Variants in PPP1R7 observed in about 807,000 individuals in gnomAD.
The protein encoded by PPP1R7 is protein phosphatase 1 regulatory subunit 7, also known as protein phosphatase 1 regulatory subunit 22.
A neutral mutation model predicts 45.2 loss-of-function variants in PPP1R7; 18 were observed. The observed-to-expected ratio is 0.40, with a 90% CI of 0.28 to 0.59. The LOEUF (loss-of-function observed/expected upper bound fraction) is 0.59, where lower values mean the gene tolerates loss of function less well. Ranked by LOEUF, PPP1R7 falls within the 20% of genes least tolerant of loss-of-function variation. The pLI, the probability that PPP1R7 is intolerant of heterozygous loss-of-function variation, is 0.46. For synonymous variants in PPP1R7, 181 were observed against 183.4 expected (o/e 0.99, Z 0.11); for missense variants, 314 against 455.8 (o/e 0.69, Z 2.83).
At chr2:241,156,175 CA>C (rs1437237841) in intron 2 of PPP1R7, among the ~76,000 whole-genome samples, 2 of 152,162 alleles carry the variant, frequency 1.3e-5, no homozygotes, top group African/African-American at 4.8e-5. Context: ...CACTCCCCTG[CA>C]GAAGCAAGTG....
intron 1 of PPP1R7, among the ~76,000 whole-genome samples, chr2:241,151,211 G>C (rs2067291569): frequency 6.6e-6 from 1 of 152,216 alleles, no homozygotes; most frequent in Admixed American, 6.5e-5. Context: ...TGCACGTACA[G>C]TATGTGTGTA....
Position 241,170,893 on chromosome 2 carries a change from A to G in PPP1R7, c.906+1026A>G, listed in dbSNP as rs544209180. Among the ~76,000 whole-genome samples, 127 of 152,296 alleles carry G rather than the reference A, an allele frequency of 8.3e-4. 1 individual carries two copies. The highest frequency in any genetic ancestry group is 2.8e-3 in the African/African-American group (116 of 41,570). ...ATGTACCAGGCCAGGGGGAGCCTCA[A>G]TGAGTCCAGGTGGGTCTATGTGCAG... On this transcript the variant is annotated intron_variant, in intron 9 of 9. Coordinates refer to ENST00000234038, the MANE Select transcript of PPP1R7 (RefSeq NM_002712.3).
rs565552346 is a variant in PPP1R7 at position 241,155,567 on chromosome 2, A to G, written c.181+1963A>G. ...AAATTATTTTTAAAATATGATGAAT[A>G]TATAATACACTCAGAAGGGCATTCT... On this transcript the variant is annotated intron_variant, in intron 2 of 9. Coordinates refer to ENST00000234038, the MANE Select transcript of PPP1R7 (RefSeq NM_002712.3). Among the ~76,000 whole-genome samples the G allele has an allele frequency of 7.9e-5, 12 of 152,360 alleles. No homozygotes were observed. The East Asian group carries it at 2.1e-3, about 27-fold the overall frequency.
intron 9 of PPP1R7, among the ~76,000 whole-genome samples, chr2:241,172,567 C>T (rs557706454): frequency 1.3e-5 from 2 of 151,902 alleles, no homozygotes; most frequent in East Asian, 3.9e-4. Context: ...TCACTTGAAC[C>T]TGGCAAGTGG....
At chr2:241,151,839 C>G (rs535645981) in intron 1 of PPP1R7, among the ~76,000 whole-genome samples, 2 of 152,200 alleles carry the variant, frequency 1.3e-5, no homozygotes, top group Non-Finnish European at 2.9e-5. Context: ...AGTACCTTAA[C>G]TCAGACCTTC....
rs142970884 is a variant in PPP1R7 at position 241,163,371 on chromosome 2, G to C, written c.684G>C (p.Ala228=). The part of the protein sequence containing the change: ...NKITKLQNLD[A]LTNLTVLSMQ... ...TTACTAAACTTCAGAACCTGGATGC[G>C]CTCACCAACCTGACAGTCCTCAGTA... The change falls in exon 7 of 10, where the codon GCG becomes GCC. Residue 228 remains alanine (A), a synonymous_variant. Transcript: ENST00000234038. 1.1e-4 allele frequency: 172 copies of C among 1,613,274 alleles called. 1 individual carries two copies. In the Admixed American group the frequency reaches 2.8e-3, roughly 26 times the overall value.
chr2:241,158,751 G>C (rs1030766114), intron 4 of PPP1R7: 8 of 567,710 alleles, frequency 1.4e-5, no homozygotes, highest in African/African-American at 1.3e-4. Flanking sequence ...ACAGCCCTGG[G>C]GCTGGCTCTC....
chr2:241,172,791 G>GT (rs1292403757), intron 9 of PPP1R7, among the ~76,000 whole-genome samples: 1 of 152,070 alleles, frequency 6.6e-6, no homozygotes, highest in Non-Finnish European at 1.5e-5. Context: ...GCATTCTGCA[G>GT]TAAACCAATC....
At chr2:241,177,692 A>G (rs2067931632) in intron 9 of PPP1R7, among the ~76,000 whole-genome samples, 2 of 152,228 alleles carry the variant, frequency 1.3e-5, no homozygotes, top group Non-Finnish European at 2.9e-5. Context: ...ACTTGTTTCA[A>G]GCTGACATCC....
chr2:241,150,096 T>G, upstream of PPP1R7: 1 of 1,261,566 alleles, frequency 7.9e-7, no homozygotes, highest in South Asian at 2.2e-5. Context: ...CACGGAAAGA[T>G]CCGCCTGGCC....
chr2:241,151,346 G>C, intron 1 of PPP1R7: 1 of 429,310 alleles, frequency 2.3e-6, no homozygotes, highest in South Asian at 1.7e-5. Context: ...TGCCTTATGT[G>C]AAAGGGGTAG....
intron 6 of PPP1R7, among the ~76,000 whole-genome samples, chr2:241,162,657 T>C (rs2067620110): frequency 6.7e-6 from 1 of 150,366 alleles, no homozygotes; most frequent in African/African-American, 2.4e-5. Context: ...ACCTCTCTTC[T>C]GTAGAGACTG....
At chr2:241,153,689 C>T in intron 2 of PPP1R7, 85 bp downstream of exon 2, 2 of 1,523,872 alleles carry the variant, frequency 1.3e-6, no homozygotes, top group Non-Finnish European at 1.8e-6. Context: ...GGTGTGGGTG[C>T]TGTGTCGGTC....
chr2:241,149,757 G>A (rs2067196376), upstream of PPP1R7: 3 of 1,540,776 alleles, frequency 1.9e-6, no homozygotes, highest in African/African-American at 4.1e-5. Flanking sequence ...TGAAGGCGGA[G>A]GACGCGGGGC....
In PPP1R7 at chr2:241,153,525, A is replaced by G. The variant is rs11543145; in HGVS notation, c.102A>G (p.Lys34=). Residue 34 remains lysine (K), a synonymous_variant, in exon 2 of 10, where the codon AAA becomes AAG. Transcript: ENST00000234038. ...SEESGDEEGK[K]HSSGIVADLS... The stretch of plus-strand genomic sequence containing the variant: ...AATCCGGCGATGAAGAAGGGAAGAA[A>G]CACAGCAGTGGCATCGTGGCCGACC... 6.2e-7 allele frequency: 1 copy of G among 1,614,254 alleles called. No individual in the cohort carries two copies. The highest frequency in any genetic ancestry group is 8.5e-7 in the Non-Finnish European group (1 of 1,180,052).
intron 7 of PPP1R7, 44 bp downstream of exon 7, chr2:241,163,445 G>T: frequency 7.4e-7 from 1 of 1,350,422 alleles, no homozygotes; most frequent in Non-Finnish European, 1.1e-6. Flanking sequence ...GCCCTGGCAG[G>T]GCCAGCGCTG....
rs1176314240 is a variant in PPP1R7 at position 241,169,763 on chromosome 2, T to A, written c.820-18T>A. The A allele has an allele frequency of 6.3e-7, 1 of 1,581,744 alleles. No individual in the cohort carries two copies. The highest frequency in any genetic ancestry group is 8.7e-7 in the Non-Finnish European group (1 of 1,150,594). On this transcript the variant is annotated intron_variant, in intron 8 of 9. Transcript: ENST00000234038. ...TGATCAGAGGTAATCCAGGAAACAT[T>A]TTATTTCCTTCTTTTAGAACAAACT...
intron 9 of PPP1R7, 132 bp from the exon 10 acceptor site, chr2:241,182,515 G>A: frequency 9.1e-7 from 1 of 1,100,686 alleles, no homozygotes; most frequent in Non-Finnish European, 1.3e-6. Context: ...AAGGTCCCAT[G>A]AGGTGCCAGG....
Position 241,183,077 on chromosome 2 carries a change from G to A in PPP1R7, c.*254G>A, listed in dbSNP as rs1559431705. On this transcript the variant is annotated 3_prime_UTR_variant, in exon 10 of 10. Coordinates refer to ENST00000234038, the MANE Select transcript of PPP1R7 (RefSeq NM_002712.3). ...TAGCCACAGAGAGAACATAAGACAC[G>A]TTGCGTTCATTCGCTAGAAATCCCT... 5.6e-6 allele frequency: 3 copies of A among 533,172 alleles called. No homozygotes were observed. The highest frequency in any genetic ancestry group is 4.3e-5 in the South Asian group (2 of 46,752). The allele number at this position is 533,172 out of a possible 1,614,324, so 33.0% of individuals were successfully genotyped here.
Sources: gnomAD v4.1 joint callset for allele counts (sites outside exome capture counted in the v4.1 genomes callset) on GRCh38, gnomAD v4.1.1 for gene constraint, MANE v1.5 for transcripts, NCBI Gene and HGNC (gene_info 2026-07-23, HGNC 2026-07-21) for gene names.